Variants in RIMOC1 observed in about 807,000 individuals in gnomAD.
RIMOC1 encodes RAB7A interacting MON1-CCZ1 complex subunit 1.
chr5:41,911,255 A>C, the RIMOC1 span: 6 of 1,350,700 alleles, frequency 4.4e-6, no homozygotes, highest in African/African-American at 1.5e-5. Context: ...TTGTACTACT[A>C]AGAGTAGTGG....
At chr5:41,905,333 G>GTGTTT in the RIMOC1 span, among the ~76,000 whole-genome samples, 8 of 152,310 alleles carry the variant, frequency 5.3e-5, no homozygotes, top group East Asian at 7.7e-4. Context: ...TTTATCAGGA[G>GTGTTT]TGTTTTGTTT....
chr5:41,907,826 T>G, the RIMOC1 span: 1 of 1,604,280 alleles, frequency 6.2e-7, no homozygotes, highest in South Asian at 1.1e-5. Context: ...TCAAATCTTC[T>G]AGAACTTTAC....
At chr5:41,916,894 C>A in the RIMOC1 span, 1 of 800,094 alleles carries the variant, frequency 1.2e-6, no homozygotes, top group Non-Finnish European at 1.8e-6. Flanking sequence ...TTTTGTGTTA[C>A]TGTTAAAGTG....
At chr5:41,910,670 A>G in the RIMOC1 span, among the ~76,000 whole-genome samples, 1 of 151,846 alleles carries the variant, frequency 6.6e-6, no homozygotes, top group African/African-American at 2.4e-5. Flanking sequence ...TTGGGTGTAA[A>G]TTTTCATTAT....
At chr5:41,909,763 A>G in the RIMOC1 span, 4 of 1,536,316 alleles carry the variant, frequency 2.6e-6, no homozygotes, top group East Asian at 2.4e-5. Flanking sequence ...TGGACATGAC[A>G]TATTTTGAGG....
the RIMOC1 span, chr5:41,917,113 T>A: frequency 6.2e-7 from 1 of 1,613,796 alleles, no homozygotes; most frequent in East Asian, 2.2e-5. Flanking sequence ...CAGAAAATCA[T>A]GAAGTGGATA....
the RIMOC1 span, among the ~76,000 whole-genome samples, chr5:41,913,959 G>A: frequency 6.6e-6 from 1 of 152,092 alleles, no homozygotes; most frequent in Non-Finnish European, 1.5e-5. Context: ...CATTGAAAAT[G>A]GCTTTTAAAA....
the RIMOC1 span, among the ~76,000 whole-genome samples, chr5:41,910,771 A>G: frequency 2.0e-5 from 3 of 152,140 alleles, no homozygotes; most frequent in Non-Finnish European, 2.9e-5. Context: ...ATGACTGCTT[A>G]TATTGCAAAC....
chr5:41,921,323 C>T, the RIMOC1 span: 1 of 152,410 alleles, frequency 6.6e-6, no homozygotes, highest in Non-Finnish European at 1.5e-5. Context: ...AGATTGCTTG[C>T]CTCTTTTCTC....
chr5:41,904,412 C>T, the RIMOC1 span: 3 of 1,614,032 alleles, frequency 1.9e-6, no homozygotes, highest in Non-Finnish European at 2.5e-6. Context: ...TGGAAGAGCT[C>T]GGGGATCTGG....
chr5:41,911,330 G>A, the RIMOC1 span: 1 of 635,032 alleles, frequency 1.6e-6, no homozygotes, highest in Non-Finnish European at 2.4e-6. Flanking sequence ...TAAATAAATT[G>A]GGCTTGTTGT....
chr5:41,918,257 C>T, the RIMOC1 span: 1 of 985,888 alleles, frequency 1.0e-6, no homozygotes, highest in Non-Finnish European at 1.2e-6. Context: ...AATGTCACCA[C>T]CTTGAGTTTC....
chr5:41,910,602 A>G, the RIMOC1 span, among the ~76,000 whole-genome samples: 61 of 152,116 alleles, frequency 4.0e-4, no homozygotes, highest in Admixed American at 2.6e-3. Flanking sequence ...GGCTGTGGAA[A>G]CATCTCCAAA....
the RIMOC1 span, among the ~76,000 whole-genome samples, chr5:41,914,680 G>T: frequency 6.6e-6 from 1 of 152,002 alleles, no homozygotes; most frequent in South Asian, 2.1e-4. Flanking sequence ...TGAGGTTGGA[G>T]AATCAGTTGA....
At chr5:41,911,295 CTT>C in the RIMOC1 span, 188 of 866,864 alleles carry the variant, frequency 2.2e-4, no homozygotes, top group Non-Finnish European at 3.0e-4. Flanking sequence ...TATTCTGTGT[CTT>C]TTATTTACTA....
At chr5:41,909,964 AT>A in the RIMOC1 span, 2 of 1,237,544 alleles carry the variant, frequency 1.6e-6, no homozygotes, top group Non-Finnish European at 2.2e-6. Context: ...TGGAGTCTAT[AT>A]TTTTTTCTTC....
chr5:41,904,870 AC>A, the RIMOC1 span, among the ~76,000 whole-genome samples: 1 of 152,224 alleles, frequency 6.6e-6, no homozygotes, highest in Non-Finnish European at 1.5e-5. Flanking sequence ...TAACAGTTCC[AC>A]TTTTTCATTG....
At chr5:41,916,055 G>GTGAT in the RIMOC1 span, among the ~76,000 whole-genome samples, 1 of 152,218 alleles carries the variant, frequency 6.6e-6, no homozygotes, top group African/African-American at 2.4e-5. Context: ...AACAGACATT[G>GTGAT]TGATGCTCAT....
chr5:41,912,063 A>C, the RIMOC1 span: 33 of 1,538,088 alleles, frequency 2.1e-5, no homozygotes, highest in African/African-American at 4.1e-4. Context: ...TCTGACTTTT[A>C]TTTAGTACCT....
Sources: allele counts gnomAD v4.1 joint callset (sites outside exome capture counted in the v4.1 genomes callset), GRCh38; gene constraint gnomAD v4.1.1; transcripts MANE v1.5; gene names NCBI Gene and HGNC (gene_info 2026-07-23, HGNC 2026-07-21).